Variants in GDI2 observed in about 807,000 individuals in gnomAD.
GDI2 encodes the protein GDP dissociation inhibitor 2, also known as rab GDP dissociation inhibitor beta.
Under a neutral mutation model 54.2 loss-of-function variants are expected in GDI2, and 22 were observed. That is an observed-to-expected ratio of 0.41 (90% CI 0.29 to 0.58). The LOEUF (loss-of-function observed/expected upper bound fraction) is 0.58. GDI2 is among the 20% of genes least tolerant of loss of function. The probability of loss-of-function intolerance (pLI) is 0.35; values close to 1 mark genes in which losing one functional copy is unlikely to be tolerated. For missense variants in GDI2, 422 were observed against 546.0 expected (o/e 0.77, Z 2.26); for synonymous variants, 177 against 182.1 (o/e 0.97, Z 0.23).
intron 4 of GDI2, among the ~76,000 whole-genome samples, chr10:5,791,486 G>A (rs1260684635): frequency 1.3e-5 from 2 of 151,894 alleles, no homozygotes; most frequent in Non-Finnish European, 2.9e-5. Context: ...AGTGGTTCAC[G>A]CCTGTAACCC....
intron 4 of GDI2, among the ~76,000 whole-genome samples, chr10:5,791,324 C>G (rs960224817): frequency 3.9e-5 from 6 of 151,932 alleles, no homozygotes; most frequent in South Asian, 2.1e-4. Context: ...AATAAATGTT[C>G]TGGGGCCGGG....
chr10:5,794,893 A>C lies in GDI2; in HGVS notation c.380T>G (p.Leu127Arg), dbSNP rs1419856871. The change falls in exon 4 of 11, where the codon CTG becomes CGG. Residue 127 changes from leucine (L) to arginine (R), a missense_variant. By Grantham distance (102) the Leu-to-Arg change is moderately radical. Transcript: ENST00000380191. The stretch of plus-strand genomic sequence containing the variant: ...AAAATAAAACTACTTACTAGATGCC[A>C]GGGCTTCTGCTTCAGTGGAAGGAAC... ...YKVPSTEAEA[L>R]ASSLMGLFEK... 3 of 1,600,412 alleles carry C rather than the reference A, an allele frequency of 1.9e-6. No homozygotes were observed. The highest frequency in any genetic ancestry group is 2.6e-6 in the Non-Finnish European group (3 of 1,168,558).
intron 4 of GDI2, among the ~76,000 whole-genome samples, chr10:5,793,239 C>T (rs1841057302): frequency 6.6e-6 from 1 of 152,156 alleles, no homozygotes. Flanking sequence ...AATCAATCCT[C>T]CTACCACGGC....
intron 6 of GDI2, among the ~76,000 whole-genome samples, chr10:5,781,930 T>C (rs1840766296): frequency 1.3e-5 from 2 of 152,098 alleles, no homozygotes; most frequent in South Asian, 4.1e-4. Context: ...TGAGAATTGC[T>C]TGAACCTGGG....
Position 5,766,601 on chromosome 10 carries a change from T to A in GDI2, c.1029A>T (p.Val343=), listed in dbSNP as rs746719962. The change falls in exon 9 of 11, where the codon GTA becomes GTT. Residue 343 remains valine, a synonymous_variant. Coordinates refer to ENST00000380191, the MANE Select transcript of GDI2 (RefSeq NM_001494.4). The surrounding 1 kb of genome is among the most constrained non-coding windows in gnomAD (Gnocchi z 5.8). ...TAGCAATGTACTTCCCTTGTGCTGC[T>A]ACATTGTGCGCAAAGGAGATCATGC... ...YVCMISFAHN[V]AAQGKYIAIV... 17 of 1,613,290 alleles carry A rather than the reference T, an allele frequency of 1.1e-5. No homozygotes were observed. Among genetic ancestry groups the A allele is most frequent in the Non-Finnish European group, 5.1e-6 (6 of 1,179,314 alleles).
At chr10:5,800,350 C>T (rs571767621) in intron 2 of GDI2, among the ~76,000 whole-genome samples, 2 of 152,306 alleles carry the variant, frequency 1.3e-5, no homozygotes, top group Admixed American at 1.3e-4. Flanking sequence ...GCTGGCACAT[C>T]AGACGATCCT....
intron 1 of GDI2, among the ~76,000 whole-genome samples, chr10:5,805,287 A>G (rs575479428): frequency 6.6e-6 from 1 of 151,874 alleles, no homozygotes; most frequent in South Asian, 2.1e-4. Flanking sequence ...GAGGGCTTGA[A>G]AACACAGACT....
intron 2 of GDI2, among the ~76,000 whole-genome samples, chr10:5,797,584 G>A (rs548516780): frequency 8.2e-5 from 12 of 146,104 alleles, no homozygotes; most frequent in Admixed American, 7.5e-4. Context: ...GGGGTGTGGT[G>A]TGTGCCTGTA....
chr10:5,794,206 T>A (rs1362100191), intron 4 of GDI2, among the ~76,000 whole-genome samples: 6,384 of 82,778 alleles, frequency 0.077, 973 homozygotes, highest in Non-Finnish European at 0.12. Flanking sequence ...TATATATATA[T>A]ATATATATAT....
chr10:5,795,924 A>C (rs1696250702), intron 3 of GDI2, among the ~76,000 whole-genome samples: 1 of 145,272 alleles, frequency 6.9e-6, no homozygotes, highest in South Asian at 2.2e-4. Flanking sequence ...CCTGTCTCTA[A>C]AAAAAATTAA....
rs758485695 is a variant in GDI2 at position 5,813,281 on chromosome 10, G to A, written c.-23C>T. ...CATGGCGGGGCAGGCGCGGACGCAG[G>A]ACCCGAGCAAGGAAAAGGCGCAGGG... On this transcript the variant is annotated 5_prime_UTR_variant, in exon 1 of 11. Transcript: ENST00000380191. 5.7e-6 allele frequency: 9 copies of A among 1,565,536 alleles called. No individual in the cohort carries two copies. Among genetic ancestry groups the A allele is most frequent in the East Asian group, 2.4e-5 (1 of 42,270 alleles).
chr10:5,774,043 C>A lies in GDI2; in HGVS notation c.720-102G>T. 1 of 572,228 alleles carries A rather than the reference C, an allele frequency of 1.7e-6. No individual in the cohort carries two copies. The highest frequency in any genetic ancestry group is 2.4e-5 in the South Asian group (1 of 40,934). 35.4% of individuals were successfully genotyped at this position (572,228 alleles called of 1,614,324 possible). On this transcript the variant is annotated intron_variant, in intron 6 of 10. Coordinates refer to ENST00000380191, the MANE Select transcript of GDI2 (RefSeq NM_001494.4). This position sits in a 1 kb window ranked among gnomAD's most constrained non-coding sequence, Gnocchi z 4.8. ...GAGTTACAGACAATATACATTTGTT[C>A]AATTTCCTTCTAGAAAGATGTCAGC... is the stretch of plus-strand genomic sequence containing the variant.
Position 5,774,039 on chromosome 10 carries a change from T to C in GDI2, c.720-98A>G, listed in dbSNP as rs997384010. 3.4e-6 allele frequency: 2 copies of C among 586,142 alleles called. No individual in the cohort carries two copies. Among genetic ancestry groups the C allele is most frequent in the African/African-American group, 3.8e-5 (2 of 52,094 alleles). The allele number at this position is 586,142 out of a possible 1,614,324, so 36.3% of individuals were successfully genotyped here. A position where few individuals can be genotyped will look rare whatever the true frequency, so the allele number is the denominator to read the frequency against. On this transcript the variant is annotated intron_variant, in intron 6 of 10. Transcript: ENST00000380191. The surrounding 1 kb of genome is among the most constrained non-coding windows in gnomAD (Gnocchi z 4.8). Reference sequence around the variant, plus strand: ...TAATGAGTTACAGACAATATACATTTGTTCAATTTCCTTCTAGAAAGATGT... The same window carrying C: ...TAATGAGTTACAGACAATATACATTCGTTCAATTTCCTTCTAGAAAGATGT...
intron 7 of GDI2, among the ~76,000 whole-genome samples, chr10:5,773,527 G>A (rs772404638): frequency 2.6e-5 from 4 of 152,062 alleles, no homozygotes; most frequent in Non-Finnish European, 5.9e-5. Flanking sequence ...ACCCGTGTAG[G>A]TGGCCTGCAA....
rs1840573754 is a variant in GDI2, at chr10:5,774,538, T to A, written c.720-597A>T. On this transcript the variant is annotated intron_variant, in intron 6 of 10. Transcript: ENST00000380191. The surrounding 1 kb of genome is among the most constrained non-coding windows in gnomAD (Gnocchi z 4.8). ...TCTTCTCCCCTTTCCACTCTCCCGCTTGCTAACCAATCACCGGAACAGTTC... is the reference window on the plus strand; with the variant it reads ...TCTTCTCCCCTTTCCACTCTCCCGCATGCTAACCAATCACCGGAACAGTTC... 6.6e-6 allele frequency among the ~76,000 whole-genome samples: 1 copy of A among 152,106 alleles called. No individual in the cohort carries two copies. Among genetic ancestry groups the A allele is most frequent in the Non-Finnish European group, 1.5e-5 (1 of 68,012 alleles).
rs1841515443 is a variant in GDI2 at position 5,813,289 on chromosome 10, C to A, written c.-31G>T. On this transcript the variant is annotated 5_prime_UTR_variant, in exon 1 of 11. Transcript: ENST00000380191. ...GGCAGGCGCGGACGCAGGACCCGAG[C>A]AAGGAAAAGGCGCAGGGGCTCCGTG... The A allele has an allele frequency of 6.4e-7, 1 of 1,552,912 alleles. No individual in the cohort carries two copies. Among genetic ancestry groups the A allele is most frequent in the East Asian group, 2.4e-5 (1 of 42,266 alleles).
intron 1 of GDI2, among the ~76,000 whole-genome samples, chr10:5,808,258 G>A (rs1841415774): frequency 6.6e-6 from 1 of 152,204 alleles, no homozygotes; most frequent in South Asian, 2.1e-4. Flanking sequence ...CTGGAAGGTT[G>A]AGGCTACAGT....
intron 1 of GDI2, among the ~76,000 whole-genome samples, chr10:5,812,318 G>A (rs1215357934): frequency 6.6e-6 from 1 of 151,992 alleles, no homozygotes; most frequent in Non-Finnish European, 1.5e-5. Context: ...AATATACCAT[G>A]ATATTAGGTA....
At chr10:5,784,877 G>A (rs908741775) in intron 6 of GDI2, among the ~76,000 whole-genome samples, 4 of 152,208 alleles carry the variant, frequency 2.6e-5, no homozygotes, top group African/African-American at 9.7e-5. Flanking sequence ...TTGTATTTTT[G>A]TTAAGTGCGC....
Sources: gnomAD v4.1 joint callset for allele counts (sites outside exome capture counted in the v4.1 genomes callset) on GRCh38, gnomAD v4.1.1 for gene constraint, Gnocchi (gnomAD v3.1) non-coding constraint, MANE v1.5 for transcripts, NCBI Gene and HGNC (gene_info 2026-07-23, HGNC 2026-07-21) for gene names.